RUNX2: variants seen among roughly 807,000 people sequenced by gnomAD.
RUNX2 encodes RUNX family transcription factor 2.
RUNX2 carries 10 observed loss-of-function variants against 51.7 expected under a neutral mutation model. That is an observed-to-expected ratio of 0.19 (90% CI 0.12 to 0.33). The LOEUF is 0.33. Among genes scored for constraint, RUNX2 ranks in the 10% least tolerant of loss-of-function variants. RUNX2 has a pLI of 1.00. For synonymous variants in RUNX2, 276 were observed against 273.6 expected (o/e 1.01, Z -0.09); for missense variants, 562 against 691.3 (o/e 0.81, Z 2.10).
chr6:45,381,131 C>T (rs1417173609), intron 2 of RUNX2, among the ~76,000 whole-genome samples: 2 of 152,186 alleles, frequency 1.3e-5, no homozygotes, highest in South Asian at 2.1e-4. Context: ...TGTTTTCTGA[C>T]GTTGAGAACT....
At chr6:45,518,159 A>C (rs1468034878) in intron 7 of RUNX2, among the ~76,000 whole-genome samples, 1 of 152,180 alleles carries the variant, frequency 6.6e-6, no homozygotes, top group Non-Finnish European at 1.5e-5. Flanking sequence ...TGGTAGACAT[A>C]CTCTGCCACA....
At chr6:45,521,766 T>C (rs1801515024) in intron 7 of RUNX2, among the ~76,000 whole-genome samples, 1 of 152,202 alleles carries the variant, frequency 6.6e-6, no homozygotes. Context: ...CCTACTGGTC[T>C]GGTCAGTGGT....
intron 2 of RUNX2, among the ~76,000 whole-genome samples, chr6:45,388,099 G>A (rs924780219): frequency 4.6e-5 from 7 of 152,146 alleles, no homozygotes; most frequent in African/African-American, 1.4e-4. Flanking sequence ...TGAACACTTG[G>A]GATAGACGAA....
At chr6:45,380,357 T>C (rs544702303) in intron 2 of RUNX2, among the ~76,000 whole-genome samples, 27 of 152,318 alleles carry the variant, frequency 1.8e-4, no homozygotes, top group South Asian at 1.7e-3. Flanking sequence ...CTGGACAAAA[T>C]TGTTAAAGAA....
At chr6:45,491,890 C>A (rs770911186) in intron 5 of RUNX2, 51 bp from the exon 6 acceptor site, 1 of 1,565,110 alleles carries the variant, frequency 6.4e-7, no homozygotes, top group Non-Finnish European at 8.8e-7. Flanking sequence ...TTAGCATGGT[C>A]AATTGTTCAG....
chr6:45,377,620 A>T (rs56125317), intron 2 of RUNX2: 2,424 of 152,212 alleles, frequency 0.016, 34 homozygotes, highest in South Asian at 0.036. Flanking sequence ...GTAGACCACG[A>T]AGACCCAGGC....
intron 5 of RUNX2, among the ~76,000 whole-genome samples, chr6:45,452,398 T>G (rs1799199910): frequency 6.6e-6 from 1 of 152,352 alleles, no homozygotes; most frequent in East Asian, 1.9e-4. Flanking sequence ...TGAGAAAGGC[T>G]GGCTGAACAC....
intron 2 of RUNX2, among the ~76,000 whole-genome samples, chr6:45,391,821 C>T (rs1797477455): frequency 6.6e-6 from 1 of 152,180 alleles, no homozygotes; most frequent in Non-Finnish European, 1.5e-5. Flanking sequence ...TCTCACTTGA[C>T]ACTTGGGGAT....
At chr6:45,397,773 A>G (rs1337444955) in intron 2 of RUNX2, among the ~76,000 whole-genome samples, 1 of 152,208 alleles carries the variant, frequency 6.6e-6, no homozygotes, top group Non-Finnish European at 1.5e-5. Flanking sequence ...ATTTTGATTG[A>G]ATTTGATATT....
intron 2 of RUNX2, among the ~76,000 whole-genome samples, chr6:45,410,622 G>T (rs2150356492): frequency 6.6e-6 from 1 of 152,206 alleles, no homozygotes. Flanking sequence ...TGGTAGGGAT[G>T]GTGTTTCCAG....
intron 2 of RUNX2, among the ~76,000 whole-genome samples, chr6:45,331,750 T>C (rs1391243598): frequency 6.6e-6 from 1 of 151,974 alleles, no homozygotes; most frequent in African/African-American, 2.4e-5. Flanking sequence ...TCAATCCGTC[T>C]CTATATCACA....
At chr6:45,519,836 G>GTA (rs70996334) in intron 7 of RUNX2, among the ~76,000 whole-genome samples, 7,298 of 134,388 alleles carry the variant, frequency 0.054, 294 homozygotes, top group Non-Finnish European at 0.078. Flanking sequence ...GTGTGTGTGT[G>GTA]TATATATTTG....
chr6:45,547,156 T>C lies in RUNX2; in HGVS notation c.1417T>C (p.Cys473Arg). 3.1e-6 allele frequency: 5 copies of C among 1,614,156 alleles called. No individual in the cohort carries two copies. The highest frequency in any genetic ancestry group is 4.2e-6 in the Non-Finnish European group (5 of 1,180,026). The stretch of plus-strand genomic sequence containing the variant: ...GTCTCCTTCCAGAATGCTTCCGCCA[T>C]GCACCACCACCTCGAATGGCAGCAC... ...DRSPSRMLPPCTTTSNGSTLL... is the reference protein window; with the variant it reads ...DRSPSRMLPPRTTTSNGSTLL... Residue 473 changes from cysteine to arginine, a missense_variant, in exon 9 of 9, where the codon TGC becomes CGC. By Grantham distance (180) the Cys-to-Arg change is radical. Transcript: ENST00000647337.
At chr6:45,534,724 C>T (rs1225731267) in intron 7 of RUNX2, among the ~76,000 whole-genome samples, 1 of 152,184 alleles carries the variant, frequency 6.6e-6, no homozygotes, top group Non-Finnish European at 1.5e-5. Context: ...AGACAGAAGG[C>T]AGATGACACA....
intron 7 of RUNX2, among the ~76,000 whole-genome samples, chr6:45,538,672 T>A (rs1240503971): frequency 6.6e-6 from 1 of 152,122 alleles, no homozygotes; most frequent in Non-Finnish European, 1.5e-5. Context: ...TTTTTCCTTT[T>A]TTTTTTTGGC....
chr6:45,469,353 G>A (rs942004318), intron 5 of RUNX2, among the ~76,000 whole-genome samples: 8 of 152,104 alleles, frequency 5.3e-5, no homozygotes, highest in African/African-American at 1.9e-4. Flanking sequence ...AAAAAGAAAA[G>A]GTTGGTTTTT....
At chr6:45,468,993 C>A (rs1189773346) in intron 5 of RUNX2, among the ~76,000 whole-genome samples, 1 of 152,202 alleles carries the variant, frequency 6.6e-6, no homozygotes, top group Admixed American at 6.5e-5. Flanking sequence ...CATGTGGCAC[C>A]TTTTGATTTG....
At chr6:45,372,895 G>A (rs758739089) in intron 2 of RUNX2, among the ~76,000 whole-genome samples, 8 of 152,186 alleles carry the variant, frequency 5.3e-5, no homozygotes, top group East Asian at 1.9e-4. Context: ...TTGGCTCACT[G>A]CAACCTCCGC....
At chr6:45,340,575 C>T (rs1789570879) in intron 2 of RUNX2, among the ~76,000 whole-genome samples, 1 of 152,030 alleles carries the variant, frequency 6.6e-6, no homozygotes, top group Non-Finnish European at 1.5e-5. Context: ...CCTCCCACCT[C>T]AGTCTCCCAA....
Sources: gnomAD v4.1 joint callset for allele counts (sites outside exome capture counted in the v4.1 genomes callset) on GRCh38, gnomAD v4.1.1 for gene constraint, MANE v1.5 for transcripts, NCBI Gene and HGNC (gene_info 2026-07-23, HGNC 2026-07-21) for gene names.